LRCH2: variants seen among roughly 807,000 people sequenced by gnomAD.
The protein encoded by LRCH2 is leucine-rich repeat and calponin homology domain-containing protein 2.
LRCH2 carries 38 observed loss-of-function variants against 68.9 expected under a neutral mutation model. That is an observed-to-expected ratio of 0.55 (90% confidence interval 0.43 to 0.72). The LOEUF (loss-of-function observed/expected upper bound fraction) is 0.72, where lower values mean the gene tolerates loss of function less well. LRCH2 is among the 30% of genes least tolerant of loss of function. The probability of loss-of-function intolerance (pLI) is 0.00; values close to 1 mark genes in which losing one functional copy is unlikely to be tolerated. For missense variants in LRCH2, 528 were observed against 572.9 expected, an observed-to-expected ratio of 0.92 and a Z score of 0.80; for synonymous variants, 191 against 208.1, an observed-to-expected ratio of 0.92 and a Z score of 0.71.
chrX:115,166,663 G>A (rs2072562573), intron 6 of LRCH2, among the ~76,000 whole-genome samples: 1 of 110,835 alleles, frequency 9.0e-6, no homozygotes, highest in Non-Finnish European at 1.9e-5. Flanking sequence ...CCATTGGTTT[G>A]TCAAATTTCA....
chrX:115,212,684 G>C (rs2073016018), intron 1 of LRCH2, among the ~76,000 whole-genome samples: 1 of 109,483 alleles, frequency 9.1e-6, no homozygotes, highest in African/African-American at 3.3e-5. Flanking sequence ...AAGAGACAGG[G>C]TCTTGGGTGG....
chrX:115,118,493 C>A (rs2147341074), intron 20 of LRCH2, among the ~76,000 whole-genome samples: 1 of 108,614 alleles, frequency 9.2e-6, no homozygotes, highest in East Asian at 2.9e-4. Context: ...CTGAATAGAC[C>A]AATAACAGGA....
chrX:115,143,020 C>T (rs1556534862), intron 14 of LRCH2, among the ~76,000 whole-genome samples: 1 of 110,610 alleles, frequency 9.0e-6, no homozygotes, highest in South Asian at 3.9e-4. Flanking sequence ...ATGGCTTGAC[C>T]CTGGGAGGTC....
intron 14 of LRCH2, among the ~76,000 whole-genome samples, chrX:115,145,213 TAAA>T (rs1470337598): frequency 6.3e-5 from 7 of 111,609 alleles, no homozygotes. Flanking sequence ...GTCTCTTCAG[TAAA>T]TGAGGCTGGG....
chrX:115,137,741 G>A (rs1387545566), intron 14 of LRCH2, among the ~76,000 whole-genome samples: 4 of 111,545 alleles, frequency 3.6e-5, no homozygotes, highest in Admixed American at 1.9e-4. Flanking sequence ...CCATGGTCAG[G>A]AGTTCAAGAC....
intron 14 of LRCH2, among the ~76,000 whole-genome samples, chrX:115,132,139 G>A (rs1015296757): frequency 1.8e-5 from 2 of 111,877 alleles, no homozygotes; most frequent in East Asian, 2.8e-4. Context: ...TGGTGTTTTA[G>A]TCATGAAGTC....
chrX:115,227,283 C>A (rs375239919), intron 1 of LRCH2, among the ~76,000 whole-genome samples: 65 of 106,637 alleles, frequency 6.1e-4, no homozygotes, highest in Middle Eastern at 4.8e-3. Flanking sequence ...CATAGCAAGG[C>A]CTTGTCTCTT....
chrX:115,179,389 A>G, intron 5 of LRCH2, 38 bp downstream of exon 5: 1 of 1,019,149 alleles, frequency 9.8e-7, no homozygotes, highest in Non-Finnish European at 1.3e-6. Flanking sequence ...ATTATGAATA[A>G]AAATGAGAAG....
intron 1 of LRCH2, among the ~76,000 whole-genome samples, chrX:115,212,829 G>T (rs1211641380): frequency 9.1e-6 from 1 of 109,914 alleles, no homozygotes; most frequent in Non-Finnish European, 1.9e-5. Flanking sequence ...AAAAATAGCC[G>T]AGTGTAGTGG....
At chrX:115,164,678 T>TAA (rs2072544444) in intron 10 of LRCH2, among the ~76,000 whole-genome samples, 1 of 111,285 alleles carries the variant, frequency 9.0e-6, no homozygotes, top group South Asian at 3.7e-4. Context: ...GCATAAAACT[T>TAA]AAGAGTCTTT....
chrX:115,222,904 C>T (rs1206935076), intron 1 of LRCH2, among the ~76,000 whole-genome samples: 3 of 111,647 alleles, frequency 2.7e-5, no homozygotes, highest in African/African-American at 6.5e-5. Flanking sequence ...AAAAAAATGT[C>T]GGAAAATTCA....
At chrX:115,200,727 A>T (rs938534442) in intron 1 of LRCH2, among the ~76,000 whole-genome samples, 1 of 110,978 alleles carries the variant, frequency 9.0e-6, no homozygotes, top group Non-Finnish European at 1.9e-5. Flanking sequence ...CAAATATAAA[A>T]AGAAGGAATA....
At chrX:115,159,296 A>G (rs1201126972) in intron 11 of LRCH2, among the ~76,000 whole-genome samples, 1 of 110,552 alleles carries the variant, frequency 9.0e-6, no homozygotes, top group Non-Finnish European at 1.9e-5. Flanking sequence ...ACTTGTTTTT[A>G]TTTCCCAAAA....
intron 20 of LRCH2, among the ~76,000 whole-genome samples, chrX:115,115,286 A>G (rs2072072801): frequency 9.0e-6 from 1 of 110,995 alleles, no homozygotes; most frequent in Non-Finnish European, 1.9e-5. Flanking sequence ...GAAGACTCAC[A>G]CTTCTTGATT....
At chrX:115,160,288 C>T (rs2072509419) in intron 11 of LRCH2, among the ~76,000 whole-genome samples, 1 of 110,202 alleles carries the variant, frequency 9.1e-6, no homozygotes, top group Admixed American at 9.7e-5. Flanking sequence ...TGCACTCCAG[C>T]CTGGGCAACA....
chrX:115,159,222 C>T (rs1157502045), intron 11 of LRCH2, among the ~76,000 whole-genome samples: 1 of 110,616 alleles, frequency 9.0e-6, no homozygotes, highest in Non-Finnish European at 1.9e-5. Flanking sequence ...CAATGTTGTA[C>T]AGCAGATCCC....
chrX:115,190,771 A>G, intron 1 of LRCH2: 2 of 1,166,340 alleles, frequency 1.7e-6, no homozygotes, highest in Non-Finnish European at 2.3e-6. Flanking sequence ...TGATGCCCAC[A>G]GCAGGGGCCG....
At chrX:115,190,957 G>A (rs1209176591) in intron 1 of LRCH2, 3 of 1,162,764 alleles carry the variant, frequency 2.6e-6, no homozygotes, top group Admixed American at 2.6e-5. Context: ...CCGCTACGGA[G>A]TAGGAGGCCA....
At chrX:115,192,915 A>G in intron 1 of LRCH2, 1 of 307,492 alleles carries the variant, frequency 3.3e-6, no homozygotes, top group Non-Finnish European at 5.9e-6. Context: ...AATACGATTA[A>G]TGGCTTCTTC....
Sources: gnomAD v4.1 joint callset for allele counts (sites outside exome capture counted in the v4.1 genomes callset) on GRCh38, gnomAD v4.1.1 for gene constraint, MANE v1.5 for transcripts, NCBI Gene and HGNC (gene_info 2026-07-23, HGNC 2026-07-21) for gene names.